The following NFAT5 variants were observed in gnomAD, a reference collection of about 807,000 sequenced individuals.
NFAT5 encodes nuclear factor of activated T cells 5, also known as nuclear factor of activated T-cells 5.
In NFAT5, 31 loss-of-function variants were observed where a neutral mutation model predicts 166.5. That is an observed-to-expected ratio of 0.19 (90% CI 0.14 to 0.25). The LOEUF (loss-of-function observed/expected upper bound fraction) is 0.25. NFAT5 is among the 10% of genes least tolerant of loss of function. The pLI is 1.00. For missense variants in NFAT5, 1,449 were observed against 1,821.8 expected, an observed-to-expected ratio of 0.80 and a Z score of 3.72; for synonymous variants, 612 against 639.7, an observed-to-expected ratio of 0.96 and a Z score of 0.65.
intron 4 of NFAT5, among the ~76,000 whole-genome samples, chr16:69,649,917 G>A (rs2035595789): frequency 6.6e-6 from 1 of 151,510 alleles, no homozygotes. Flanking sequence ...GATGAAAATA[G>A]CATTTTTATA....
At chr16:69,658,522 A>G (rs1018123446) in intron 6 of NFAT5, among the ~76,000 whole-genome samples, 1 of 152,010 alleles carries the variant, frequency 6.6e-6, no homozygotes, top group African/African-American at 2.4e-5. Context: ...GGGTAAAAAA[A>G]GCTAAAAACA....
At chr16:69,668,275 A>T (rs565643320) in intron 7 of NFAT5, among the ~76,000 whole-genome samples, 5 of 152,254 alleles carry the variant, frequency 3.3e-5, no homozygotes, top group African/African-American at 1.2e-4. Context: ...GGCGTGAGCC[A>T]CCTCACCCGG....
intron 4 of NFAT5, 41 bp from the exon 5 acceptor site, chr16:69,653,195 T>A (rs2035747140): frequency 7.5e-7 from 1 of 1,337,002 alleles, no homozygotes; most frequent in Non-Finnish European, 1.0e-6. Flanking sequence ...ATCAAAAAAC[T>A]CTTTTTGATA....
At position 69,621,075 on chromosome 16, in the gene NFAT5, C is replaced by A. The variant is rs927178624; in HGVS notation, c.128-5328C>A. On this transcript the variant is annotated intron_variant, in intron 2 of 14. Transcript: ENST00000349945. ...TAGGATAACTGCCTGCAGCATTTTC[C>A]TGATCCTCTAGTAGAAGAGCCTTAA... Among the ~76,000 whole-genome samples the A allele has an allele frequency of 2.0e-5, 3 of 152,032 alleles. No homozygotes were observed. The East Asian group carries it at 5.8e-4, about 29-fold the overall frequency.
chr16:69,576,077 C>T (rs1024136434), intron 2 of NFAT5, among the ~76,000 whole-genome samples: 22 of 151,494 alleles, frequency 1.5e-4, no homozygotes, highest in African/African-American at 3.9e-4. Context: ...CCGAGGTGGG[C>T]GGATCACGAG....
intron 2 of NFAT5, among the ~76,000 whole-genome samples, chr16:69,575,667 T>A (rs907578555): frequency 2.9e-5 from 4 of 135,708 alleles, no homozygotes; most frequent in African/African-American, 1.1e-4. Flanking sequence ...AAGAAAAAAA[T>A]TTAGTTTTAA....
chr16:69,586,236 T>G (rs928602345), intron 2 of NFAT5, among the ~76,000 whole-genome samples: 1 of 152,294 alleles, frequency 6.6e-6, no homozygotes, highest in Non-Finnish European at 1.5e-5. Flanking sequence ...ACTTTCTATG[T>G]GGGACCCAAA....
At chr16:69,653,641 T>G (rs1487187903) in intron 5 of NFAT5, among the ~76,000 whole-genome samples, 1 of 150,966 alleles carries the variant, frequency 6.6e-6, no homozygotes, top group African/African-American at 2.4e-5. Flanking sequence ...AGTGGTGTGA[T>G]CTCAGCTCAC....
In NFAT5 at chr16:69,653,347, A is replaced by G; in HGVS notation, c.924A>G (p.Thr308=). The part of the protein sequence containing the change: ...KELKIVVQPE[T]QHRARYLTEG... ...TGAAGATAGTTGTACAACCTGAGAC[A>G]CAGCACCGAGCTCGGTACCTGACTG... Residue 308 remains threonine (T), a synonymous_variant, in exon 5 of 15, where the codon ACA becomes ACG. Transcript: ENST00000349945. The G allele has an allele frequency of 1.2e-6, 2 of 1,613,350 alleles. No homozygotes were observed. Among genetic ancestry groups the G allele is most frequent in the Non-Finnish European group, 1.7e-6 (2 of 1,179,768 alleles).
rs1451205959 is a variant in NFAT5, at chr16:69,615,873, G to C, written c.128-10530G>C. On this transcript the variant is annotated intron_variant, in intron 2 of 14. Coordinates refer to ENST00000349945, the MANE Select transcript of NFAT5 (RefSeq NM_138713.4). ...TACCCAACTTGGCCTCTCATAGCTT[G>C]CCTCCTACATGGATGCTCTTGACAC... is the stretch of plus-strand genomic sequence containing the variant. 2.6e-5 allele frequency among the ~76,000 whole-genome samples: 4 copies of C among 152,056 alleles called. No homozygotes were observed. In the South Asian group the frequency reaches 8.3e-4, roughly 32 times the overall value.
chr16:69,620,699 A>G (rs546654623), intron 2 of NFAT5, among the ~76,000 whole-genome samples: 30 of 152,246 alleles, frequency 2.0e-4, no homozygotes, highest in Non-Finnish European at 3.7e-4. Flanking sequence ...CTAGATTAAA[A>G]AAGAGAGAGA....
intron 4 of NFAT5, among the ~76,000 whole-genome samples, chr16:69,652,205 A>C (rs528772227): frequency 6.6e-6 from 1 of 152,226 alleles, no homozygotes; most frequent in African/African-American, 2.4e-5. Flanking sequence ...TAATCCCAGC[A>C]CTTTGGGAGA....
In NFAT5 at chr16:69,653,421, C is replaced by T. The variant is rs1433998482; in HGVS notation, c.998C>T (p.Thr333Ile). 2 of 1,560,960 alleles carry T rather than the reference C, an allele frequency of 1.3e-6. No homozygotes were observed. The highest frequency in any genetic ancestry group is 4.7e-5 in the East Asian group (2 of 42,776). The stretch of plus-strand genomic sequence containing the variant: ...GATAGAACACAGCAAGGCTTTCCTA[C>T]AGTAAAGGTATTTACTTTATTTATC... The part of the protein sequence containing the change: ...VKDRTQQGFP[T>I]VKLEGHNEPV... The change falls in exon 5 of 15, where the codon ACA (threonine) becomes ATA (isoleucine). Residue 333 changes from threonine to isoleucine, a missense_variant. Thr to Ile is a moderately conservative substitution (Grantham distance 89). Transcript: ENST00000349945.
intron 3 of NFAT5, among the ~76,000 whole-genome samples, chr16:69,631,336 C>A (rs1447097329): frequency 2.0e-5 from 3 of 152,040 alleles, no homozygotes; most frequent in Admixed American, 6.6e-5. Flanking sequence ...GAGGCTGAAG[C>A]AGGAGAATTG....
intron 4 of NFAT5, among the ~76,000 whole-genome samples, chr16:69,650,799 A>G (rs1042466374): frequency 6.6e-6 from 1 of 152,144 alleles, no homozygotes; most frequent in African/African-American, 2.4e-5. Flanking sequence ...ATTTTCTTTC[A>G]TCTCTTTGTA....
In NFAT5 at chr16:69,697,794, T is replaced by C. The variant is rs1166573486; in HGVS notation, c.*1443T>C. ...CTTATGTCTCATTTTCCTTTTGGCA[T>C]GTGGAAAGCTGTCAATGCAGTGTAA... On this transcript the variant is annotated 3_prime_UTR_variant, in exon 15 of 15. Coordinates refer to ENST00000349945, the MANE Select transcript of NFAT5 (RefSeq NM_138713.4). 6.6e-6 allele frequency: 1 copy of C among 152,664 alleles called. No individual in the cohort carries two copies. Among genetic ancestry groups the C allele is most frequent in the Non-Finnish European group, 1.5e-5 (1 of 68,044 alleles). 9.5% of individuals were successfully genotyped at this position (152,664 alleles called of 1,614,324 possible).
chr16:69,582,945 C>G (rs2031794317), intron 2 of NFAT5, among the ~76,000 whole-genome samples: 1 of 151,568 alleles, frequency 6.6e-6, no homozygotes, highest in Non-Finnish European at 1.5e-5. Context: ...AATCTGTAGG[C>G]TAATCTGAGG....
chr16:69,677,376 A>G (rs978598562), intron 10 of NFAT5, 41 bp downstream of exon 10: 1 of 1,501,682 alleles, frequency 6.7e-7, no homozygotes, highest in Non-Finnish European at 8.9e-7. Flanking sequence ...ACAAATAATT[A>G]ATTTCCAGTT....
At chr16:69,607,087 A>G (rs1268844894) in intron 2 of NFAT5, among the ~76,000 whole-genome samples, 1 of 152,200 alleles carries the variant, frequency 6.6e-6, no homozygotes, top group Non-Finnish European at 1.5e-5. Context: ...TGTTCTACAC[A>G]TTATTGCTAG....
Sources: allele counts gnomAD v4.1 joint callset (sites outside exome capture counted in the v4.1 genomes callset), GRCh38; gene constraint gnomAD v4.1.1; transcripts MANE v1.5; gene names NCBI Gene and HGNC (gene_info 2026-07-23, HGNC 2026-07-21).